The following DOCK3 variants were observed in gnomAD, a reference collection of about 807,000 sequenced individuals.
DOCK3 encodes the protein dedicator of cytokinesis 3.
In DOCK3, 60 loss-of-function variants were observed where a neutral mutation model predicts 265.6. That is an observed-to-expected ratio of 0.23 (90% confidence interval 0.18 to 0.28). The LOEUF (loss-of-function observed/expected upper bound fraction) is 0.28. Among genes scored for constraint, DOCK3 ranks in the 10% least tolerant of loss-of-function variants. The pLI is 1.00. For synonymous variants in DOCK3, 881 were observed against 938.0 expected, an observed-to-expected ratio of 0.94 and a Z score of 1.11; for missense variants, 1,981 against 2,594.3, an observed-to-expected ratio of 0.76 and a Z score of 5.14.
chr3:51,044,421 G>T (rs1575863921), intron 5 of DOCK3, among the ~76,000 whole-genome samples: 1 of 152,230 alleles, frequency 6.6e-6, no homozygotes, highest in East Asian at 1.9e-4. Context: ...ACACACTGGG[G>T]TCTTTCAGAG....
intron 1 of DOCK3, among the ~76,000 whole-genome samples, chr3:50,763,870 T>C (rs891732139): frequency 3.3e-5 from 5 of 152,174 alleles, no homozygotes; most frequent in Non-Finnish European, 7.4e-5. Context: ...AGTTTTCAAA[T>C]TGACTATGGA....
intron 2 of DOCK3, among the ~76,000 whole-genome samples, chr3:50,808,021 G>A (rs1182437881): frequency 1.3e-5 from 2 of 152,172 alleles, no homozygotes; most frequent in African/African-American, 2.4e-5. Context: ...ACAAGCATGA[G>A]CCACTGCACC....
chr3:50,909,485 C>T (rs1331117365), intron 4 of DOCK3, among the ~76,000 whole-genome samples: 7 of 151,922 alleles, frequency 4.6e-5, no homozygotes, highest in African/African-American at 1.7e-4. Context: ...TTAGTTTGGC[C>T]AGATGTGAAA....
At chr3:51,169,838 G>A (rs890139289) in intron 12 of DOCK3, among the ~76,000 whole-genome samples, 1 of 151,546 alleles carries the variant, frequency 6.6e-6, no homozygotes, top group African/African-American at 2.4e-5. Flanking sequence ...TTTAACCATC[G>A]TGCTATCCCA....
At chr3:50,822,344 T>A (rs530910303) in intron 2 of DOCK3, among the ~76,000 whole-genome samples, 2 of 152,264 alleles carry the variant, frequency 1.3e-5, no homozygotes, top group South Asian at 4.1e-4. Flanking sequence ...TGTTGATTTT[T>A]GTACATCGAT....
At chr3:50,979,961 T>C (rs1007128399) in intron 5 of DOCK3, among the ~76,000 whole-genome samples, 22 of 152,354 alleles carry the variant, frequency 1.4e-4, no homozygotes, top group African/African-American at 5.0e-4. Flanking sequence ...TTCTCTTGCC[T>C]GATTACTCTA....
chr3:50,770,857 A>G (rs1440168331), intron 1 of DOCK3, among the ~76,000 whole-genome samples: 1 of 152,190 alleles, frequency 6.6e-6, no homozygotes, highest in Non-Finnish European at 1.5e-5. Flanking sequence ...GAAATACACT[A>G]TGGAAAAGAC....
chr3:50,976,714 T>C (rs1177270633), intron 5 of DOCK3, among the ~76,000 whole-genome samples: 3 of 151,276 alleles, frequency 2.0e-5, no homozygotes, highest in East Asian at 2.0e-4. Flanking sequence ...CTTTCTGTCT[T>C]GTTGATCTGT....
At chr3:50,906,929 G>A (rs1250336065) in intron 4 of DOCK3, among the ~76,000 whole-genome samples, 11 of 152,098 alleles carry the variant, frequency 7.2e-5, no homozygotes, top group Admixed American at 7.2e-4. Flanking sequence ...TGCTTTGAAT[G>A]TGTCCCAGAG....
At chr3:51,295,412 A>G (rs758476132) in intron 27 of DOCK3, among the ~76,000 whole-genome samples, 3 of 152,238 alleles carry the variant, frequency 2.0e-5, no homozygotes, top group Non-Finnish European at 2.9e-5. Flanking sequence ...GCATTTATCT[A>G]TTCTTCATGG....
intron 5 of DOCK3, among the ~76,000 whole-genome samples, chr3:50,979,670 TA>T (rs61201788): frequency 6.6e-6 from 1 of 152,044 alleles, no homozygotes; most frequent in Non-Finnish European, 1.5e-5. Context: ...AGCCTCTTTT[TA>T]AAAAAAATAA....
chr3:51,109,544 C>T (rs181824989), intron 9 of DOCK3, among the ~76,000 whole-genome samples: 7 of 151,916 alleles, frequency 4.6e-5, no homozygotes, highest in Admixed American at 6.6e-5. Flanking sequence ...AAGATTGAGA[C>T]ACAAAAAAAT....
chr3:51,154,170 C>T (rs754701386), intron 10 of DOCK3, among the ~76,000 whole-genome samples: 1 of 152,214 alleles, frequency 6.6e-6, no homozygotes, highest in Non-Finnish European at 1.5e-5. Context: ...TCTTTCAGAA[C>T]ATCAAATGAT....
intron 5 of DOCK3, among the ~76,000 whole-genome samples, chr3:51,059,840 T>C (rs925082458): frequency 1.2e-4 from 18 of 152,176 alleles, no homozygotes; most frequent in Admixed American, 1.2e-3. Context: ...AACCCTCCCC[T>C]TTTTTCCCCA....
intron 7 of DOCK3, 139 bp from the exon 8 acceptor site, chr3:51,089,104 A>G: frequency 1.1e-6 from 1 of 921,960 alleles, no homozygotes; most frequent in Non-Finnish European, 1.6e-6. Flanking sequence ...TACGAATAAC[A>G]CTTATTTTAC....
At chr3:51,138,075 A>C (rs1240519730) in intron 9 of DOCK3, among the ~76,000 whole-genome samples, 2 of 152,200 alleles carry the variant, frequency 1.3e-5, no homozygotes, top group African/African-American at 4.8e-5. Context: ...TGTGGGGTAA[A>C]ATGTCACCTG....
In DOCK3 at chr3:50,852,751, T is replaced by A. The variant is rs951967363; in HGVS notation, c.162+11036T>A. On this transcript the variant is annotated intron_variant, in intron 3 of 52. Transcript: ENST00000266037. ...TGATTTTTTTGTGTATTATTTAACATGTATCTGCTGTTATCCTATTCATTT... is the reference window on the plus strand; with the variant it reads ...TGATTTTTTTGTGTATTATTTAACAAGTATCTGCTGTTATCCTATTCATTT... Among the ~76,000 whole-genome samples, 9 of 152,328 alleles carry A rather than the reference T, an allele frequency of 5.9e-5. No individual in the cohort carries two copies. In the South Asian group the frequency reaches 6.2e-4, roughly 11 times the overall value.
chr3:51,237,247 T>G (rs918632058), intron 20 of DOCK3, among the ~76,000 whole-genome samples: 4 of 152,116 alleles, frequency 2.6e-5, no homozygotes, highest in African/African-American at 9.7e-5. Context: ...AGGGAGAGGC[T>G]CACAGTAAAT....
intron 4 of DOCK3, among the ~76,000 whole-genome samples, chr3:50,914,497 G>A (rs2050019184): frequency 6.6e-6 from 1 of 152,054 alleles, no homozygotes; most frequent in Non-Finnish European, 1.5e-5. Flanking sequence ...GCATGTAACT[G>A]CAACTTTGAA....
Sources: allele counts gnomAD v4.1 joint callset (sites outside exome capture counted in the v4.1 genomes callset), GRCh38; gene constraint gnomAD v4.1.1; transcripts MANE v1.5; gene names NCBI Gene and HGNC (gene_info 2026-07-23, HGNC 2026-07-21).